PRG2: variants seen among roughly 807,000 people sequenced by gnomAD.
PRG2 encodes bone marrow proteoglycan.
In PRG2, 23 loss-of-function variants were observed where a neutral mutation model predicts 24.7. The ratio of observed to expected loss-of-function variants is 0.93; its 90% CI spans 0.67 to 1.32. PRG2 has a LOEUF of 1.32. PRG2 is among the 40% of genes most tolerant of loss of function. The probability of loss-of-function intolerance (pLI) is 0.00; values close to 1 mark genes in which losing one functional copy is unlikely to be tolerated. For synonymous variants in PRG2, 104 were observed against 99.8 expected, an observed-to-expected ratio of 1.04 and a Z score of -0.25; for missense variants, 271 against 280.9, an observed-to-expected ratio of 0.96 and a Z score of 0.25.
intron 3 of PRG2, 86 bp from the exon 4 acceptor site, chr11:57,388,794 C>T: frequency 6.5e-7 from 1 of 1,538,406 alleles, no homozygotes; most frequent in South Asian, 1.2e-5. Context: ...TTCATTCCCT[C>T]CCTCCCCTGC....
At chr11:57,389,598 T>C (rs552649924) in intron 2 of PRG2, among the ~76,000 whole-genome samples, 1 of 152,302 alleles carries the variant, frequency 6.6e-6, no homozygotes, top group African/African-American at 2.4e-5. Flanking sequence ...ACCTACTTCA[T>C]GGCGATGCTA....
rs1439955726 is a variant in PRG2 at position 57,388,590 on chromosome 11, C to T, written c.485G>A (p.Arg162Lys). ...LNQGQVWIGG[R>K]ITGSGRCRRF... The stretch of plus-strand genomic sequence containing the variant: ...CACTTCTCTTACCGAGCCTGTGATC[C>T]TGCCTCCAATCCAGACTTGACCCTG... Residue 162 changes from arginine (R) to lysine (K), a missense_variant, in exon 4 of 6, where the codon AGG becomes AAG. Physicochemically the swap from Arg to Lys is conservative, Grantham distance 26. Coordinates refer to ENST00000311862, the MANE Select transcript of PRG2 (RefSeq NM_002728.6). The T allele has an allele frequency of 1.9e-6, 3 of 1,613,798 alleles. No homozygotes were observed. The highest frequency in any genetic ancestry group is 2.2e-5 in the East Asian group (1 of 44,894).
Position 57,388,630 on chromosome 11 carries a change from C to G in PRG2, c.445G>C (p.Val149Leu). 1 of 1,614,014 alleles carries G rather than the reference C, an allele frequency of 6.2e-7. No individual in the cohort carries two copies. The highest frequency in any genetic ancestry group is 8.5e-7 in the Non-Finnish European group (1 of 1,179,926). ...FNINYRIQCS[V>L]SALNQGQVWI... ...ACTTGACCCTGGTTGAGCGCGCTGA[C>G]AGAACACTGGATTCGATAATTAATA... Residue 149 changes from valine to leucine, a missense_variant, in exon 4 of 6, where the codon GTC becomes CTC. By Grantham distance (32) the Val-to-Leu change is conservative. Transcript: ENST00000311862.
In PRG2 at chr11:57,388,681, T is replaced by C; in HGVS notation, c.394A>G (p.Asn132Asp). The change falls in exon 4 of 6, where the codon AAC (asparagine) becomes GAC (aspartate). Residue 132 changes from asparagine (N) to aspartate (D), a missense_variant. By Grantham distance (23) the Asn-to-Asp change is conservative. Coordinates refer to ENST00000311862, the MANE Select transcript of PRG2 (RefSeq NM_002728.6). ...TTGAAGTTGTGGATGGAAACCAGGT[T>C]GCCCCTGTAGCACCTCCGGCAAGTA... Reference protein sequence around the residue: ...WFTCRRCYRGNLVSIHNFNIN... With the variant: ...WFTCRRCYRGDLVSIHNFNIN... 6.2e-7 allele frequency: 1 copy of C among 1,614,088 alleles called. No individual in the cohort carries two copies. Among genetic ancestry groups the C allele is most frequent in the Admixed American group, 1.7e-5 (1 of 60,010 alleles).
Position 57,389,872 on chromosome 11 carries a change from G to A in PRG2, c.58+15C>T, listed in dbSNP as rs533292024. The A allele has an allele frequency of 4.4e-6, 7 of 1,597,970 alleles. No individual in the cohort carries two copies. In the East Asian group the frequency reaches 1.1e-4, roughly 25 times the overall value. Reference sequence around the variant, plus strand: ...AAAAACAGAGAAAGAAAGACTGAAGGCAAAAAACACTTACTTAGATGAAGA... The same window carrying A: ...AAAAACAGAGAAAGAAAGACTGAAGACAAAAAACACTTACTTAGATGAAGA... On this transcript the variant is annotated intron_variant, in intron 2 of 5. Transcript: ENST00000311862.
chr11:57,388,150 T>A (rs1857083465), intron 4 of PRG2, among the ~76,000 whole-genome samples: 3 of 13,840 alleles, frequency 2.2e-4, no homozygotes, highest in Admixed American at 1.7e-3. Flanking sequence ...ATGGTCTTGT[T>A]TTAATTTTTT....
At chr11:57,387,696 C>T in intron 5 of PRG2, 58 bp downstream of exon 5, 1 of 1,446,288 alleles carries the variant, frequency 6.9e-7, no homozygotes, top group Non-Finnish European at 9.3e-7. Context: ...GCATCTCCTC[C>T]TTGGGGCACT....
At chr11:57,390,533 A>G in intron 1 of PRG2, 63 bp downstream of exon 1, 1 of 963,270 alleles carries the variant, frequency 1.0e-6, no homozygotes, top group Non-Finnish European at 1.2e-6. Flanking sequence ...TGTCAGCCAC[A>G]GCCAGGGACC....
chr11:57,390,501 C>T lies in PRG2; in HGVS notation c.-13+95G>A, dbSNP rs527577321. 214 of 817,200 alleles carry T rather than the reference C, an allele frequency of 2.6e-4. 2 individuals are homozygous for T. The South Asian group carries it at 2.8e-3, about 11-fold the overall frequency. 50.6% of individuals were successfully genotyped at this position (817,200 alleles called of 1,614,324 possible). On this transcript the variant is annotated intron_variant, in intron 1 of 5. Transcript: ENST00000311862. ...TCATAACCTGAAAGCCACAGGTAGA[C>T]GCCTGCCAGCCCTCCAGAAACTGTC...
chr11:57,389,873 C>CA lies in PRG2; in HGVS notation c.58+13dup, dbSNP rs753393646. 119 of 1,600,470 alleles carry CA rather than the reference C, an allele frequency of 7.4e-5. 3 individuals carry two copies. In the South Asian group the frequency reaches 1.2e-3, roughly 17 times the overall value. Reference sequence around the variant, plus strand: ...AAAACAGAGAAAGAAAGACTGAAGGCAAAAAACACTTACTTAGATGAAGAG... The same window carrying CA: ...AAAACAGAGAAAGAAAGACTGAAGGCAAAAAAACACTTACTTAGATGAAGAG... On this transcript the variant is annotated intron_variant, in intron 2 of 5. Coordinates refer to ENST00000311862, the MANE Select transcript of PRG2 (RefSeq NM_002728.6).
chr11:57,388,011 T>G (rs1237679433), intron 4 of PRG2, 146 bp from the exon 5 acceptor site: 4 of 579,540 alleles, frequency 6.9e-6, no homozygotes, highest in Non-Finnish European at 1.2e-5. Context: ...CCTAGTCATC[T>G]GAAATGCTGA....
chr11:57,387,797 C>A lies in PRG2; in HGVS notation c.567G>T (p.Gln189His). ...RWNFAYWAAH[Q>H]PWSRGGHCVA... ...CGCAGTGACCACCGCGGGACCAGGG[C>A]TGGTGAGCAGCCCAGTATGCAAAGT... Residue 189 changes from glutamine (Q) to histidine (H), a missense_variant, in exon 5 of 6, where the codon CAG becomes CAT. Transcript: ENST00000311862. The A allele has an allele frequency of 6.3e-7, 1 of 1,593,508 alleles. No individual in the cohort carries two copies. The highest frequency in any genetic ancestry group is 1.1e-5 in the South Asian group (1 of 87,208).
At position 57,389,773 on chromosome 11, in the gene PRG2, G is replaced by A. The variant is rs572468642; in HGVS notation, c.58+114C>T. The A allele has an allele frequency of 3.0e-6, 3 of 993,378 alleles. No homozygotes were observed. In the South Asian group the frequency reaches 5.0e-5, roughly 17 times the overall value. The allele number at this position is 993,378 out of a possible 1,614,324, so 61.5% of individuals were successfully genotyped here. A position where few individuals can be genotyped will look rare whatever the true frequency, so the allele number is the denominator to read the frequency against. On this transcript the variant is annotated intron_variant, in intron 2 of 5. Transcript: ENST00000311862. ...GAGTCCCCATCCCTTTAAGCACACA[G>A]AAATTCAGAAATAGAAGACGATCAA...
In PRG2 at chr11:57,390,611, C is replaced by G. The variant is rs913284912; in HGVS notation, c.-28G>C. 2 of 985,434 alleles carry G rather than the reference C, an allele frequency of 2.0e-6. No individual in the cohort carries two copies. The allele number at this position is 985,434 out of a possible 1,614,324, so 61.0% of individuals were successfully genotyped here. On this transcript the variant is annotated 5_prime_UTR_variant, in exon 1 of 6. Coordinates refer to ENST00000311862, the MANE Select transcript of PRG2 (RefSeq NM_002728.6). ...AAGCACTCACCCACCCAGAGACCTT[C>G]CTGGGTCTTTAGATCTTCCCAAAGC...
intron 1 of PRG2, among the ~76,000 whole-genome samples, chr11:57,390,228 C>T (rs1362298165): frequency 6.6e-6 from 1 of 152,092 alleles, no homozygotes; most frequent in Non-Finnish European, 1.5e-5. Context: ...GGGACTATTA[C>T]GCTTATTTGT....
Position 57,389,176 on chromosome 11 carries a change from G to C in PRG2, c.200C>G (p.Ala67Gly). ...EEEWGSGSED[A>G]SKKDGAVESI... Reference sequence around the variant, plus strand: ...CTCAACAGCCCCATCTTTCTTGGAGGCATCTTCACTTCCAGAGCCCCACTC... The same window carrying C: ...CTCAACAGCCCCATCTTTCTTGGAGCCATCTTCACTTCCAGAGCCCCACTC... Residue 67 changes from alanine (A) to glycine (G), a missense_variant, in exon 3 of 6, where the codon GCC becomes GGC. Coordinates refer to ENST00000311862, the MANE Select transcript of PRG2 (RefSeq NM_002728.6). The C allele has an allele frequency of 6.2e-7, 1 of 1,614,152 alleles. No individual in the cohort carries two copies. The highest frequency in any genetic ancestry group is 8.5e-7 in the Non-Finnish European group (1 of 1,180,024).
rs764703701 is a variant in PRG2 at position 57,388,781 on chromosome 11, C to T, written c.367-73G>A. 27 of 1,565,882 alleles carry T rather than the reference C, an allele frequency of 1.7e-5. No homozygotes were observed. In the Middle Eastern group the frequency reaches 1.2e-3, roughly 70 times the overall value. On this transcript the variant is annotated intron_variant, in intron 3 of 5. Coordinates refer to ENST00000311862, the MANE Select transcript of PRG2 (RefSeq NM_002728.6). ...AATTCACATGGGTCTTGAGTCCCCA[C>T]AATTCATTCCCTCCCTCCCCTGCCA... is the stretch of plus-strand genomic sequence containing the variant.
At chr11:57,390,069 T>G in intron 1 of PRG2, 113 bp from the exon 2 acceptor site, 4 of 875,352 alleles carry the variant, frequency 4.6e-6, no homozygotes, top group East Asian at 2.6e-5. Flanking sequence ...AAGGCCTGAA[T>G]AGAAATCAGG....
rs781155174 is a variant in PRG2 at position 57,389,316 on chromosome 11, C to G, written c.60G>C (p.Arg20Ser). 1.2e-6 allele frequency: 2 copies of G among 1,610,398 alleles called. No individual in the cohort carries two copies. Among genetic ancestry groups the G allele is most frequent in the South Asian group, 2.2e-5 (2 of 91,062 alleles). The change falls in exon 3 of 6, where the codon AGG (arginine) becomes AGC (serine). Residue 20 changes from arginine (R) to serine (S), a missense_variant and splice_region_variant. Physicochemically the swap from Arg to Ser is moderately radical, Grantham distance 110. Transcript: ENST00000311862. ...LFGAVSALHL[R>S]SETSTFETPL... Reference sequence around the variant, plus strand: ...GGGTCTCAAAGGTGGAAGTCTCAGACCCTGGCAGGGAGGATAGCTAAGTGT... The same window carrying G: ...GGGTCTCAAAGGTGGAAGTCTCAGAGCCTGGCAGGGAGGATAGCTAAGTGT...
Sources: gnomAD v4.1 joint callset for allele counts (sites outside exome capture counted in the v4.1 genomes callset) on GRCh38, gnomAD v4.1.1 for gene constraint, MANE v1.5 for transcripts, NCBI Gene and HGNC (gene_info 2026-07-23, HGNC 2026-07-21) for gene names.